Variants in VPS13B observed in about 807,000 individuals in gnomAD.
VPS13B encodes the protein vacuolar protein sorting 13 homolog B.
VPS13B carries 285 observed loss-of-function variants against 426.4 expected under a neutral mutation model. That is an observed-to-expected ratio of 0.67 (90% confidence interval 0.61 to 0.74). The LOEUF is 0.74. Among genes scored for constraint, VPS13B ranks in the 30% least tolerant of loss-of-function variants. The pLI, the probability that VPS13B is intolerant of heterozygous loss-of-function variation, is 0.00. For synonymous variants in VPS13B, 1,676 were observed against 1,676.4 expected (o/e 1.00, Z 0.01); for missense variants, 4,537 against 4,782.6 (o/e 0.95, Z 1.51).
At position 99,511,254 on chromosome 8, in the gene VPS13B, G is replaced by A. The variant is rs770335085; in HGVS notation, c.4375G>A (p.Gly1459Ser). Residue 1459 changes from glycine to serine, a missense_variant, in exon 29 of 62, where the codon GGT (glycine) becomes AGT (serine). Coordinates refer to ENST00000357162, the MANE Select transcript of VPS13B (RefSeq NM_152564.5). ...FHKLSEGLMD[G>S]SPHFLHEILL... ...TAAGTTATCTGAAGGCCTAATGGAT[G>A]GTTCTCCTCATTTTCTTCATGAAAT... is the stretch of plus-strand genomic sequence containing the variant. 6.2e-7 allele frequency: 1 copy of A among 1,614,020 alleles called. No homozygotes were observed. The highest frequency in any genetic ancestry group is 1.1e-5 in the South Asian group (1 of 91,084).
At chr8:99,289,858 C>A (rs1222492457) in intron 19 of VPS13B, among the ~76,000 whole-genome samples, 1 of 152,008 alleles carries the variant, frequency 6.6e-6, no homozygotes, top group Non-Finnish European at 1.5e-5. Context: ...AATGACTTAT[C>A]CTGTGTAGAA....
intron 17 of VPS13B, among the ~76,000 whole-genome samples, chr8:99,272,422 C>T (rs1818650211): frequency 6.6e-6 from 1 of 152,092 alleles, no homozygotes; most frequent in Non-Finnish European, 1.5e-5. Flanking sequence ...ATAATAATAT[C>T]TATAATATAG....
In VPS13B at chr8:99,149,988, A is replaced by C. The variant is rs577797186; in HGVS notation, c.2013+1978A>C. On this transcript the variant is annotated intron_variant, in intron 14 of 61. Coordinates refer to ENST00000357162, the MANE Select transcript of VPS13B (RefSeq NM_152564.5). ...CAATGAAATTAATCTCCGATGCCAG[A>C]AAGGTTGGTGTCCGCTGACAGTGAT... Among the ~76,000 whole-genome samples, 73 of 152,168 alleles carry C rather than the reference A, an allele frequency of 4.8e-4. 1 individual carries two copies. The highest frequency in any genetic ancestry group is 3.2e-4 in the Non-Finnish European group (22 of 68,026).
chr8:99,506,444 C>G (rs891692480), intron 27 of VPS13B, among the ~76,000 whole-genome samples: 1 of 152,088 alleles, frequency 6.6e-6, no homozygotes, highest in South Asian at 2.1e-4. Flanking sequence ...CCTGACTGTA[C>G]CGCTAAATTT....
At chr8:99,477,617 T>C (rs1424804714) in intron 24 of VPS13B, among the ~76,000 whole-genome samples, 1 of 152,226 alleles carries the variant, frequency 6.6e-6, no homozygotes, top group Admixed American at 6.5e-5. Flanking sequence ...GACATCAGAA[T>C]TGTGACCCTT....
At chr8:99,743,179 A>C (rs1049775756) in intron 39 of VPS13B, among the ~76,000 whole-genome samples, 2 of 152,222 alleles carry the variant, frequency 1.3e-5, no homozygotes, top group Admixed American at 1.3e-4. Context: ...TTATACACCA[A>C]TAACAGACAA....
intron 52 of VPS13B, among the ~76,000 whole-genome samples, chr8:99,832,971 C>T (rs1815166110): frequency 6.6e-6 from 1 of 152,114 alleles, no homozygotes; most frequent in Non-Finnish European, 1.5e-5. Context: ...AAGATCATAT[C>T]ATAATGAAAA....
At chr8:99,204,931 G>T (rs1436854381) in intron 17 of VPS13B, among the ~76,000 whole-genome samples, 1 of 152,178 alleles carries the variant, frequency 6.6e-6, no homozygotes, top group Admixed American at 6.5e-5. Context: ...TTCAACCATT[G>T]TGGAAGATAG....
chr8:99,134,984 C>G (rs758478931), intron 9 of VPS13B, 31 bp from the exon 10 acceptor site: 1 of 1,612,392 alleles, frequency 6.2e-7, no homozygotes, highest in Non-Finnish European at 8.5e-7. Context: ...AAATTCAATT[C>G]TTAGTTCTAA....
intron 36 of VPS13B, among the ~76,000 whole-genome samples, chr8:99,708,060 C>A (rs938508829): frequency 6.6e-6 from 1 of 152,116 alleles, no homozygotes; most frequent in South Asian, 2.1e-4. Context: ...ATTCAATTAA[C>A]CAGCTACTGA....
chr8:99,807,514 C>T (rs1199449232), intron 43 of VPS13B, among the ~76,000 whole-genome samples: 1 of 151,534 alleles, frequency 6.6e-6, no homozygotes, highest in Non-Finnish European at 1.5e-5. Flanking sequence ...GAGCTTGATT[C>T]CCAGTTGCTG....
chr8:99,654,160 T>C (rs978969062), intron 34 of VPS13B, among the ~76,000 whole-genome samples: 6 of 152,088 alleles, frequency 3.9e-5, no homozygotes, highest in African/African-American at 1.4e-4. Flanking sequence ...ACCATTCTCC[T>C]GCCTCAGCCT....
At chr8:99,741,215 A>G (rs1809704361) in intron 39 of VPS13B, among the ~76,000 whole-genome samples, 1 of 152,206 alleles carries the variant, frequency 6.6e-6, no homozygotes, top group South Asian at 2.1e-4. Flanking sequence ...CAAAGATCAA[A>G]GGACACAAAG....
At chr8:99,588,613 C>CT (rs1308870874) in intron 33 of VPS13B, among the ~76,000 whole-genome samples, 1 of 151,532 alleles carries the variant, frequency 6.6e-6, no homozygotes, top group Non-Finnish European at 1.5e-5. Context: ...ATTTGGCACT[C>CT]TGTTTGTTAA....
At chr8:99,756,252 G>A (rs548586302) in intron 39 of VPS13B, among the ~76,000 whole-genome samples, 2 of 152,244 alleles carry the variant, frequency 1.3e-5, no homozygotes, top group East Asian at 3.9e-4. Context: ...ATTTAAGCAG[G>A]AAGAAGAATG....
At chr8:99,229,309 C>CT (rs1563615131) in intron 17 of VPS13B, among the ~76,000 whole-genome samples, 1 of 152,190 alleles carries the variant, frequency 6.6e-6, no homozygotes, top group East Asian at 1.9e-4. Context: ...CAGGCATTGG[C>CT]TCTGGGCTTC....
intron 17 of VPS13B, among the ~76,000 whole-genome samples, chr8:99,221,617 A>G (rs1018183833): frequency 1.3e-5 from 2 of 152,222 alleles, no homozygotes; most frequent in African/African-American, 4.8e-5. Context: ...AATACTTTTC[A>G]GTCGCGGACA....
intron 3 of VPS13B, among the ~76,000 whole-genome samples, chr8:99,081,609 A>G (rs937723792): frequency 1.8e-5 from 2 of 108,776 alleles, no homozygotes; most frequent in Non-Finnish European, 3.7e-5. Context: ...CCACCCCACA[A>G]CAGGCCCCCA....
chr8:99,147,874 C>T lies in VPS13B; in HGVS notation c.1877C>T (p.Pro626Leu). The change falls in exon 14 of 62, where the codon CCT (proline) becomes CTT (leucine). Residue 626 changes from proline to leucine, a missense_variant. Around this residue, in one of 2 missense-constraint regions of VPS13B, gnomAD observed 4,311 missense variants for 4,474.3 expected, o/e 0.96. Transcript: ENST00000357162. The part of the protein sequence containing the change: ...IKDENETILN[P>L]EEVALLEEYI... ...GATGAAAATGAAACAATACTGAATCCTGAAGAGGTGGCTCTTCTGGAGGAA... is the reference window on the plus strand; with the variant it reads ...GATGAAAATGAAACAATACTGAATCTTGAAGAGGTGGCTCTTCTGGAGGAA... 1 of 1,605,722 alleles carries T rather than the reference C, an allele frequency of 6.2e-7. No homozygotes were observed. Among genetic ancestry groups the T allele is most frequent in the Non-Finnish European group, 8.5e-7 (1 of 1,176,384 alleles).
Sources: gnomAD v4.1 joint callset for allele counts (sites outside exome capture counted in the v4.1 genomes callset) on GRCh38, gnomAD v4.1.1 for gene constraint, gnomAD v4.1.1 regional missense constraint, MANE v1.5 for transcripts, NCBI Gene and HGNC (gene_info 2026-07-23, HGNC 2026-07-21) for gene names.